The following PLXNB3 variants were observed in gnomAD, a reference collection of about 807,000 sequenced individuals.
PLXNB3 encodes the protein plexin B3.
In PLXNB3, 80 loss-of-function variants were observed where a neutral mutation model predicts 125.7. That is an observed-to-expected ratio of 0.64 (90% confidence interval 0.53 to 0.77). PLXNB3 has a LOEUF of 0.77. Ranked by LOEUF, PLXNB3 falls within the 30% of genes least tolerant of loss-of-function variation. The pLI is 0.00. For synonymous variants in PLXNB3, 954 were observed against 783.3 expected, an observed-to-expected ratio of 1.22 and a Z score of -3.64; for missense variants, 1,836 against 1,729.3, an observed-to-expected ratio of 1.06 and a Z score of -1.09.
chrX:153,772,365 T>C (rs1283801468), intron 16 of PLXNB3, 78 bp downstream of exon 16: 11 of 736,597 alleles, frequency 1.5e-5, no homozygotes, highest in Non-Finnish European at 6.2e-6. Flanking sequence ...CTAGTAAGGA[T>C]GTCAAGCTGG....
chrX:153,770,598 G>C lies in PLXNB3; in HGVS notation c.1966G>C (p.Glu656Gln), dbSNP rs1557061397. The part of the protein sequence containing the change: ...CPQSSHCVYG[E>Q]HCPEGERTIY... ...GCAGAGTAGCCACTGCGTGTACGGA[G>C]AGCACTGCCCAGAGGGCGAGAGGAC... The change falls in exon 10 of 36, where the codon GAG (glutamate) becomes CAG (glutamine). Residue 656 changes from glutamate to glutamine, a missense_variant. Physicochemically the swap from Glu to Gln is conservative, Grantham distance 29. Transcript: ENST00000361971. The C allele has an allele frequency of 2.5e-6, 3 of 1,211,567 alleles. No homozygotes were observed. Among genetic ancestry groups the C allele is most frequent in the Non-Finnish European group, 2.2e-6 (2 of 895,553 alleles).
At chrX:153,769,330 G>T in intron 6 of PLXNB3, 68 bp downstream of exon 6, 1 of 929,583 alleles carries the variant, frequency 1.1e-6, no homozygotes, top group Non-Finnish European at 1.5e-6. Context: ...GCCCCTGGAA[G>T]TAGCCCTAGG....
intron 30 of PLXNB3, 31 bp from the exon 31 acceptor site, chrX:153,777,497 C>T (rs376556925): frequency 1.3e-5 from 16 of 1,203,138 alleles, no homozygotes; most frequent in Non-Finnish European, 1.8e-5. Flanking sequence ...ACACCCTGCC[C>T]TCCACACAGC....
intron 19 of PLXNB3, 23 bp from the exon 20 acceptor site, chrX:153,773,836 G>C (rs1603247713): frequency 8.3e-7 from 1 of 1,210,246 alleles, no homozygotes; most frequent in East Asian, 3.0e-5. Context: ...CTCCACCTGT[G>C]GTCGGCCCTG....
At position 153,769,807 on chromosome X, in the gene PLXNB3, G is replaced by A. The variant is rs2091906424; in HGVS notation, c.1497G>A (p.Arg499=). The change falls in exon 7 of 36, where the codon AGG becomes AGA. Residue 499 remains arginine, a splice_region_variant and synonymous_variant. Coordinates refer to ENST00000361971, the MANE Select transcript of PLXNB3 (RefSeq NM_005393.3). ...PLCGWCVLQG[R]CTRKGQCGRA... ...GACCTGATGGACCCCTGCCTGGCAGGTGTACCCGGAAGGGCCAGTGCGGGC... is the reference window on the plus strand; with the variant it reads ...GACCTGATGGACCCCTGCCTGGCAGATGTACCCGGAAGGGCCAGTGCGGGC... 3 of 1,203,898 alleles carry A rather than the reference G, an allele frequency of 2.5e-6. No homozygotes were observed. The highest frequency in any genetic ancestry group is 2.2e-6 in the Non-Finnish European group (2 of 892,689).
Position 153,778,488 on chromosome X carries a change from G to A in PLXNB3, c.5550+17G>A, listed in dbSNP as rs781890191. On this transcript the variant is annotated intron_variant, in intron 34 of 35. Transcript: ENST00000361971. ...CTCTCCGGGGTGAGGCATGGCCCGG[G>A]GGGTGCGCCTGTCCACACGTGGGTG... 1 of 1,203,859 alleles carries A rather than the reference G, an allele frequency of 8.3e-7. No individual in the cohort carries two copies.
chrX:153,772,599 G>A (rs186598970), intron 16 of PLXNB3: 6 of 748,255 alleles, frequency 8.0e-6, no homozygotes, highest in Admixed American at 5.0e-5. Flanking sequence ...TAGAGCTCCA[G>A]GTCTGGGGGC....
At position 153,772,012 on chromosome X, in the gene PLXNB3, C is replaced by G; in HGVS notation, c.2666C>G (p.Ala889Gly). ...GAGCCCTCTCTCTACCGCACGTCGGCCCGGTGAGGCACTTGGAGGGTGAAG... is the reference window on the plus strand; with the variant it reads ...GAGCCCTCTCTCTACCGCACGTCGGGCCGGTGAGGCACTTGGAGGGTGAAG... ...NPEPSLYRTS[A>G]RIVCVTSPAP... is the part of the protein sequence containing the mutation. Residue 889 changes from alanine (A) to glycine (G), a missense_variant, in exon 15 of 36, where the codon GCC (alanine) becomes GGC (glycine). By Grantham distance (60) the Ala-to-Gly change is moderately conservative. Coordinates refer to ENST00000361971, the MANE Select transcript of PLXNB3 (RefSeq NM_005393.3). 1 of 1,186,532 alleles carries G rather than the reference C, an allele frequency of 8.4e-7. No homozygotes were observed. The highest frequency in any genetic ancestry group is 1.1e-6 in the Non-Finnish European group (1 of 882,538).
chrX:153,766,066 G>A (rs1042392503), intron 2 of PLXNB3: 4 of 1,057,405 alleles, frequency 3.8e-6, no homozygotes, highest in African/African-American at 1.9e-5. Flanking sequence ...CAGGCCCTGA[G>A]AGACCCAAAC....
Position 153,777,221 on chromosome X carries a change from G to A in PLXNB3, c.4941G>A (p.Leu1647=), listed in dbSNP as rs2148433327. The A allele has an allele frequency of 1.7e-6, 2 of 1,158,492 alleles. No homozygotes were observed. Among genetic ancestry groups the A allele is most frequent in the East Asian group, 3.2e-5 (1 of 31,130 alleles). Residue 1647 remains leucine (L), a synonymous_variant, in exon 30 of 36, where the codon CTG becomes CTA. Coordinates refer to ENST00000361971, the MANE Select transcript of PLXNB3 (RefSeq NM_005393.3). ...RCPLGENIPT[L]EDGEEGGVCL... ...CTGTGCCCTCAGACATACCCACGCTGGAGGATGGCGAGGAGGGGGGGGTGT... is the reference window on the plus strand; with the variant it reads ...CTGTGCCCTCAGACATACCCACGCTAGAGGATGGCGAGGAGGGGGGGGTGT...
At chrX:153,771,217 C>A (rs2091925643) in intron 12 of PLXNB3, 93 bp from the exon 13 acceptor site, 1 of 934,816 alleles carries the variant, frequency 1.1e-6, no homozygotes, top group Non-Finnish European at 1.5e-6. Context: ...AGGCAGGGAA[C>A]AATCACATTC....
intron 26 of PLXNB3, 69 bp downstream of exon 26, chrX:153,775,729 C>A: frequency 9.1e-7 from 1 of 1,103,105 alleles, no homozygotes; most frequent in Non-Finnish European, 1.2e-6. Context: ...CATGAGGGGG[C>A]TACTGCCTGC....
At position 153,774,224 on chromosome X, in the gene PLXNB3, G is replaced by A. The variant is rs1557063110; in HGVS notation, c.3558G>A (p.Val1186=). ...GLNLGISKEE[V]RVHIGRGECL... ...ACCTGGGCATCAGCAAGGAGGAGGT[G>A]CGCGTGCACATCGGCCGCGGCGAGT... is the stretch of plus-strand genomic sequence containing the variant. The change falls in exon 21 of 36, where the codon GTG becomes GTA. Residue 1186 remains valine, a synonymous_variant. Transcript: ENST00000361971. 1.7e-6 allele frequency: 2 copies of A among 1,202,030 alleles called. No homozygotes were observed. The highest frequency in any genetic ancestry group is 1.1e-6 in the Non-Finnish European group (1 of 894,295).
Position 153,774,055 on chromosome X carries a change from C to T in PLXNB3, c.3476C>T (p.Ala1159Val). 2 of 1,190,863 alleles carry T rather than the reference C, an allele frequency of 1.7e-6. No individual in the cohort carries two copies. Among genetic ancestry groups the T allele is most frequent in the Non-Finnish European group, 1.1e-6 (1 of 885,088 alleles). Residue 1159 changes from alanine to valine, a missense_variant, in exon 20 of 36, where the codon GCC becomes GTC. By Grantham distance (64) the Ala-to-Val change is moderately conservative (BLOSUM62 0). Transcript: ENST00000361971. ...GCACCCCTCAGCCGCGAGGGGCCTG[C>T]CCGCCCCTACCGCCTCAAGCCAGGC... ...RLAPLSREGPARPYRLKPGHV... is the reference protein window; with the variant it reads ...RLAPLSREGPVRPYRLKPGHV...
chrX:153,775,721 T>C (rs782349372), intron 26 of PLXNB3, 61 bp downstream of exon 26: 79 of 1,119,191 alleles, frequency 7.1e-5, no homozygotes, highest in South Asian at 4.2e-4. Flanking sequence ...CCTCTTGCCA[T>C]GAGGGGGCTA....
Position 153,773,462 on chromosome X carries a change from C to T in PLXNB3, c.3083+56C>T, listed in dbSNP as rs1369880242. 8.5e-6 allele frequency: 10 copies of T among 1,180,179 alleles called. No individual in the cohort carries two copies. In the East Asian group the frequency reaches 2.1e-4, roughly 25 times the overall value. ...ACCACGCAGGAGGGAAGGTGGGATG[C>T]GGGCTGGGCTATGTTGCCCACCGCC... On this transcript the variant is annotated intron_variant, in intron 18 of 35. Transcript: ENST00000361971.
chrX:153,776,740 AGGG>A, intron 28 of PLXNB3, 144 bp from the exon 29 acceptor site: 1 of 245,727 alleles, frequency 4.1e-6, no homozygotes, highest in Middle Eastern at 1.1e-3. Context: ...GAGGCAAGGC[AGGG>A]AAGGGCAGGG....
Position 153,778,969 on chromosome X carries a change from A to G in PLXNB3, c.5660A>G (p.Gln1887Arg). 3.3e-6 allele frequency: 4 copies of G among 1,196,589 alleles called. No homozygotes were observed. Among genetic ancestry groups the G allele is most frequent in the Non-Finnish European group, 4.5e-6 (4 of 888,397 alleles). ...GCCCTGGAGGAGGACCCTGTGGGCCAGAAGCTGCAGCTGGCCTGCCGCCTG... is the reference window on the plus strand; with the variant it reads ...GCCCTGGAGGAGGACCCTGTGGGCCGGAAGCTGCAGCTGGCCTGCCGCCTG... ...ISALEEDPVG[Q>R]KLQLACRLQQ... The change falls in exon 36 of 36, where the codon CAG (glutamine) becomes CGG (arginine). Residue 1887 changes from glutamine (Q) to arginine (R), a missense_variant. Gln to Arg is a conservative substitution (Grantham distance 43). Coordinates refer to ENST00000361971, the MANE Select transcript of PLXNB3 (RefSeq NM_005393.3).
chrX:153,779,072 C>A lies in PLXNB3; in HGVS notation c.*33C>A, dbSNP rs2092026702. 9.8e-7 allele frequency: 1 copy of A among 1,024,079 alleles called. No individual in the cohort carries two copies. The highest frequency in any genetic ancestry group is 1.3e-6 in the Non-Finnish European group (1 of 754,699). The allele number at this position is 1,024,079 out of a possible 1,213,427, so 84.4% of individuals were successfully genotyped here. On this transcript the variant is annotated 3_prime_UTR_variant, in exon 36 of 36. Coordinates refer to ENST00000361971, the MANE Select transcript of PLXNB3 (RefSeq NM_005393.3). ...CTCAGACAGCAGCAAGCCGGATCCA[C>A]CAACACCGCAGCGCCTTATGACCCC...
Sources: allele counts gnomAD v4.1 joint callset, GRCh38; gene constraint gnomAD v4.1.1; transcripts MANE v1.5; gene names NCBI Gene and HGNC (gene_info 2026-07-23, HGNC 2026-07-21).